Variants in CFAP99 observed in about 807,000 individuals in gnomAD.
CFAP99 encodes the protein cilia and flagella associated protein 99, also known as cilia- and flagella-associated protein 99.
In CFAP99, 84 loss-of-function variants were observed where a neutral mutation model predicts 82.7. That is an observed-to-expected ratio of 1.02 (90% CI 0.85 to 1.22). CFAP99 has a LOEUF of 1.22. Ranked by LOEUF, CFAP99 falls within the 50% of genes most tolerant of loss-of-function variation. The probability of loss-of-function intolerance (pLI) is 0.00; values close to 1 mark genes in which losing one functional copy is unlikely to be tolerated. For synonymous variants in CFAP99, 456 were observed against 429.5 expected, an observed-to-expected ratio of 1.06 and a Z score of -0.76; for missense variants, 1,059 against 983.5, an observed-to-expected ratio of 1.08 and a Z score of -1.03.
At chr4:2,447,406 T>C (rs1578476606) in intron 6 of CFAP99, among the ~76,000 whole-genome samples, 1 of 147,548 alleles carries the variant, frequency 6.8e-6, no homozygotes, top group African/African-American at 2.5e-5. Flanking sequence ...GGTAGGATGG[T>C]GGGTGGGTGA....
chr4:2,462,923 C>T lies in CFAP99; in HGVS notation c.2142C>T (p.Ala714=), dbSNP rs866744920. 117 of 1,290,636 alleles carry T rather than the reference C, an allele frequency of 9.1e-5. No individual in the cohort carries two copies. The Middle Eastern group carries it at 3.9e-3, about 43-fold the overall frequency. 79.9% of individuals were successfully genotyped at this position (1,290,636 alleles called of 1,614,324 possible). Residue 714 remains alanine, a synonymous_variant, in exon 15 of 15, where the codon GCC becomes GCT. Transcript: ENST00000635017. The surrounding 1 kb of genome is among the most constrained non-coding windows in gnomAD (Gnocchi z 4.1). The stretch of plus-strand genomic sequence containing the variant: ...GGCCCGCGCGCCGCCTGGAGGCCGC[C>T]TGAGCCGGGCCGAGCGCGCCCCACC...
rs187609602 is a variant in CFAP99 at position 2,433,628 on chromosome 4, C to T, written c.112-3246C>T. Among the ~76,000 whole-genome samples, 935 of 152,296 alleles carry T rather than the reference C, an allele frequency of 6.1e-3. 4 individuals are homozygous for T. The highest frequency in any genetic ancestry group is 0.02 in the Middle Eastern group (6 of 294). ...CACTCACAGGATGTCACTGGGTCCCCGCGATCTATGTGGAGGCAGGGCATT... is the reference window on the plus strand; with the variant it reads ...CACTCACAGGATGTCACTGGGTCCCTGCGATCTATGTGGAGGCAGGGCATT... On this transcript the variant is annotated intron_variant, in intron 2 of 14. Coordinates refer to ENST00000635017, the Ensembl canonical transcript of CFAP99.
At chr4:2,424,778 C>T (rs1267244706) in intron 1 of CFAP99, among the ~76,000 whole-genome samples, 6 of 152,238 alleles carry the variant, frequency 3.9e-5, no homozygotes, top group Non-Finnish European at 7.3e-5. Flanking sequence ...CCAGCCGAGA[C>T]TCCTCTGCAT....
chr4:2,421,931 C>T (rs1444623405), intron 1 of CFAP99, among the ~76,000 whole-genome samples: 1 of 151,776 alleles, frequency 6.6e-6, no homozygotes, highest in African/African-American at 2.4e-5. Flanking sequence ...GTAGTACATG[C>T]CTAGAGTCCC....
intron 1 of CFAP99, among the ~76,000 whole-genome samples, chr4:2,421,026 C>A (rs2108705065): frequency 6.6e-6 from 1 of 152,272 alleles, no homozygotes; most frequent in East Asian, 1.9e-4. Flanking sequence ...GTAGACCCAG[C>A]TAAAAATCAG....
At chr4:2,449,233 G>A (rs965859866) in intron 6 of CFAP99, among the ~76,000 whole-genome samples, 5 of 152,062 alleles carry the variant, frequency 3.3e-5, no homozygotes, top group African/African-American at 1.2e-4. Flanking sequence ...CCTCTGCAGT[G>A]TCCCCTCCCG....
intron 13 of CFAP99, among the ~76,000 whole-genome samples, chr4:2,459,465 C>G (rs1163151617): frequency 1.3e-5 from 2 of 152,240 alleles, no homozygotes; most frequent in African/African-American, 4.8e-5. Context: ...GCAAGGCACA[C>G]ACTTAGCCAG....
chr4:2,450,356 A>C, intron 8 of CFAP99: 2 of 349,470 alleles, frequency 5.7e-6, no homozygotes, highest in Non-Finnish European at 1.1e-5. Flanking sequence ...AAGCAAGGTA[A>C]TGACGACAGG....
intron 1 of CFAP99, among the ~76,000 whole-genome samples, chr4:2,421,865 G>T (rs1189105694): frequency 4.2e-5 from 6 of 143,300 alleles, no homozygotes; most frequent in Admixed American, 4.1e-4. Context: ...AACATAGTAA[G>T]ACCCCTGTCT....
intron 11 of CFAP99, among the ~76,000 whole-genome samples, chr4:2,456,502 C>G (rs1046806157): frequency 1.3e-5 from 2 of 152,100 alleles, no homozygotes; most frequent in Admixed American, 1.3e-4. Context: ...CATAGTGAGA[C>G]CCCGCGTCTA....
rs757714297 is a variant in CFAP99, at chr4:2,442,719, TC to T, written c.352-410del. Among the ~76,000 whole-genome samples, 4 of 152,272 alleles carry T rather than the reference TC, an allele frequency of 2.6e-5. No homozygotes were observed. In the East Asian group the frequency reaches 7.7e-4, roughly 29 times the overall value. On this transcript the variant is annotated intron_variant, in intron 4 of 14. Transcript: ENST00000635017. Reference sequence around the variant, plus strand: ...CCAAGCTGAGGATGTGCCGCCAGCTTCTCAGGCACCCCCTCCCCACGGCAGC... The same window carrying T: ...CCAAGCTGAGGATGTGCCGCCAGCTTTCAGGCACCCCCTCCCCACGGCAGC...
chr4:2,444,362 C>G (rs1021644994), intron 5 of CFAP99, among the ~76,000 whole-genome samples: 13 of 152,198 alleles, frequency 8.5e-5, no homozygotes, highest in Admixed American at 3.3e-4. Flanking sequence ...GCCCCTCTCC[C>G]CAACCTGCCT....
intron 1 of CFAP99, among the ~76,000 whole-genome samples, chr4:2,419,725 A>C (rs1397023152): frequency 1.3e-5 from 2 of 152,086 alleles, no homozygotes; most frequent in African/African-American, 2.4e-5. Flanking sequence ...ACGCGATGTG[A>C]GCCTAGGCGC....
At chr4:2,459,315 C>T in intron 13 of CFAP99, 57 bp downstream of exon 13, 1 of 1,462,118 alleles carries the variant, frequency 6.8e-7, no homozygotes, top group Non-Finnish European at 9.0e-7. Flanking sequence ...CTGGCACTGC[C>T]ATGAGAGGCA....
At chr4:2,431,203 C>T (rs1182928122) in intron 2 of CFAP99, among the ~76,000 whole-genome samples, 1 of 151,282 alleles carries the variant, frequency 6.6e-6, no homozygotes, top group Non-Finnish European at 1.5e-5. Context: ...CCCGTTTCTA[C>T]TAAAAATACA....
At chr4:2,445,410 G>C (rs1258211729) in intron 6 of CFAP99, 102 bp downstream of exon 6, 41 of 1,055,152 alleles carry the variant, frequency 3.9e-5, no homozygotes, top group Non-Finnish European at 4.9e-5. Context: ...GCTCCCCCCA[G>C]GGCTGAGGGT....
chr4:2,459,003 C>T, intron 12 of CFAP99, 104 bp from the exon 13 acceptor site: 2 of 1,444,038 alleles, frequency 1.4e-6, no homozygotes, highest in East Asian at 2.5e-5. Flanking sequence ...GGTGGCCGCA[C>T]TGAGGCCAGA....
At chr4:2,456,284 C>T (rs1440371041) in intron 11 of CFAP99, among the ~76,000 whole-genome samples, 1 of 152,032 alleles carries the variant, frequency 6.6e-6, no homozygotes, top group Non-Finnish European at 1.5e-5. Context: ...CCACCTGCCT[C>T]GACCTCCCAA....
At chr4:2,460,843 A>G (rs1415893800) in intron 14 of CFAP99, among the ~76,000 whole-genome samples, 2 of 152,126 alleles carry the variant, frequency 1.3e-5, no homozygotes, top group African/African-American at 4.8e-5. Flanking sequence ...TCTGCCTCCC[A>G]GGTTCAAGCC....
Sources: gnomAD v4.1 joint callset for allele counts (sites outside exome capture counted in the v4.1 genomes callset) on GRCh38, gnomAD v4.1.1 for gene constraint, Gnocchi (gnomAD v3.1) non-coding constraint, MANE v1.5 for transcripts, NCBI Gene and HGNC (gene_info 2026-07-23, HGNC 2026-07-21) for gene names.